FAM13B: variants seen among roughly 807,000 people sequenced by gnomAD.
FAM13B encodes the protein family with sequence similarity 13 member B.
In FAM13B, 60 loss-of-function variants were observed where a neutral mutation model predicts 117.3. That is an observed-to-expected ratio of 0.51 (90% CI 0.42 to 0.63). The LOEUF is 0.63. Among genes scored for constraint, FAM13B ranks in the 30% least tolerant of loss-of-function variants. The pLI, the probability that FAM13B is intolerant of heterozygous loss-of-function variation, is 0.00. For synonymous variants in FAM13B, 332 were observed against 356.1 expected, an observed-to-expected ratio of 0.93 and a Z score of 0.76; for missense variants, 972 against 1,091.9, an observed-to-expected ratio of 0.89 and a Z score of 1.55.
At chr5:137,953,589 T>G in intron 15 of FAM13B, 124 bp from the exon 16 acceptor site, 1 of 930,566 alleles carries the variant, frequency 1.1e-6, no homozygotes, top group Non-Finnish European at 1.6e-6. Context: ...TCCCTAACAC[T>G]AAAGGACAGG....
At chr5:138,048,747 T>A (rs545656756) in intron 1 of FAM13B, among the ~76,000 whole-genome samples, 9 of 152,310 alleles carry the variant, frequency 5.9e-5, no homozygotes, top group African/African-American at 2.2e-4. Context: ...TTCATAATTA[T>A]TTTGCAAATT....
At chr5:138,014,109 G>T (rs970187684) in intron 4 of FAM13B, among the ~76,000 whole-genome samples, 8 of 152,118 alleles carry the variant, frequency 5.3e-5, no homozygotes, top group African/African-American at 1.9e-4. Context: ...GCTATTTTTT[G>T]AAGTTTCTGT....
intron 4 of FAM13B, among the ~76,000 whole-genome samples, chr5:138,013,195 C>G (rs1285142034): frequency 7.5e-6 from 1 of 133,152 alleles, no homozygotes; most frequent in Non-Finnish European, 1.6e-5. Context: ...AGAGTGAGAC[C>G]CTGTCTCAAA....
intron 7 of FAM13B, among the ~76,000 whole-genome samples, chr5:138,001,051 A>G (rs1781142078): frequency 6.6e-6 from 1 of 152,170 alleles, no homozygotes; most frequent in Non-Finnish European, 1.5e-5. Flanking sequence ...ACCAATAAGT[A>G]TAGTCCACAT....
chr5:137,978,179 T>G (rs1052763282), intron 10 of FAM13B, among the ~76,000 whole-genome samples: 1 of 152,228 alleles, frequency 6.6e-6, no homozygotes, highest in African/African-American at 2.4e-5. Flanking sequence ...CTATGATTTA[T>G]CTAATCATTT....
intron 6 of FAM13B, among the ~76,000 whole-genome samples, chr5:138,009,347 A>T (rs866439560): frequency 9.9e-5 from 15 of 152,200 alleles, no homozygotes; most frequent in Non-Finnish European, 1.5e-4. Context: ...CAAAGGTGAA[A>T]ATCTCAAATG....
chr5:137,941,488 T>C (rs574117514), intron 23 of FAM13B, among the ~76,000 whole-genome samples: 99 of 152,162 alleles, frequency 6.5e-4, no homozygotes, highest in Non-Finnish European at 1.2e-3. Context: ...TACTGTATTA[T>C]AGGAGCCACA....
chr5:137,993,150 A>C (rs1561505332), intron 7 of FAM13B, among the ~76,000 whole-genome samples: 1 of 152,216 alleles, frequency 6.6e-6, no homozygotes. Flanking sequence ...ACATACAAGG[A>C]AGTGATTGCT....
rs760432708 is a variant in FAM13B, at chr5:137,943,231, A to G, written c.2341-15T>C. 2.3e-5 allele frequency: 36 copies of G among 1,597,960 alleles called. No homozygotes were observed. The highest frequency in any genetic ancestry group is 2.9e-5 in the Non-Finnish European group (34 of 1,167,108). On this transcript the variant is annotated splice_polypyrimidine_tract_variant and intron_variant, in intron 20 of 23. Transcript: ENST00000689681. Reference sequence around the variant, plus strand: ...GATGGAGATCCCTATAACAATCAATAATATAAATAGTTTTACATTTTAAGT... The same window carrying G: ...GATGGAGATCCCTATAACAATCAATGATATAAATAGTTTTACATTTTAAGT...
intron 10 of FAM13B, among the ~76,000 whole-genome samples, chr5:137,967,901 A>G (rs1029011769): frequency 5.3e-5 from 8 of 151,952 alleles, no homozygotes; most frequent in African/African-American, 7.3e-5. Context: ...CTCAAAAAAT[A>G]GAATAAAAAG....
chr5:137,986,341 T>TAA (rs571344423), intron 9 of FAM13B, among the ~76,000 whole-genome samples: 8 of 147,230 alleles, frequency 5.4e-5, no homozygotes, highest in Admixed American at 2.0e-4. Context: ...AAAACTGTCT[T>TAA]AAAAAAAAAA....
At chr5:137,971,298 T>C (rs1206258374) in intron 10 of FAM13B, among the ~76,000 whole-genome samples, 1 of 152,032 alleles carries the variant, frequency 6.6e-6, no homozygotes, top group Non-Finnish European at 1.5e-5. Flanking sequence ...GAACTCAGGA[T>C]TAAGAATCTC....
At chr5:138,016,377 C>T (rs183394544) in intron 4 of FAM13B, among the ~76,000 whole-genome samples, 1 of 152,290 alleles carries the variant, frequency 6.6e-6, no homozygotes, top group Admixed American at 6.5e-5. Flanking sequence ...GAAACTGAGA[C>T]AGTTTGGGAA....
chr5:137,968,466 G>C (rs977333018), intron 10 of FAM13B, among the ~76,000 whole-genome samples: 5 of 150,624 alleles, frequency 3.3e-5, no homozygotes, highest in Non-Finnish European at 5.9e-5. Flanking sequence ...AAATTCTTAA[G>C]ATTAATTTCA....
At chr5:138,030,095 G>A (rs757520862) in intron 1 of FAM13B, among the ~76,000 whole-genome samples, 1 of 152,078 alleles carries the variant, frequency 6.6e-6, no homozygotes, top group Non-Finnish European at 1.5e-5. Flanking sequence ...CTAGTTCACT[G>A]ACCTGGAACA....
chr5:138,027,898 C>T (rs1581298436), intron 1 of FAM13B, among the ~76,000 whole-genome samples: 1 of 152,346 alleles, frequency 6.6e-6, no homozygotes. Flanking sequence ...GGCTCTCTTG[C>T]CTGCTGCCAT....
chr5:138,005,902 C>CT lies in FAM13B; in HGVS notation c.848+1087dup, dbSNP rs869171895. ...CTGACTCAAATTATTATTTCCTCTT[C>CT]TTTTTTTTTTTTTTGAGACGGAGTT... On this transcript the variant is annotated intron_variant, in intron 7 of 23. Transcript: ENST00000689681. 1.6e-3 allele frequency among the ~76,000 whole-genome samples: 230 copies of CT among 143,792 alleles called. 1 individual carries two copies. Among genetic ancestry groups the CT allele is most frequent in the Middle Eastern group, 7.1e-3 (2 of 282 alleles). 94.3% of individuals were successfully genotyped at this position (143,792 alleles called of 152,430 possible). A position where few individuals can be genotyped will look rare whatever the true frequency, so the allele number is the denominator to read the frequency against.
chr5:138,035,185 A>G (rs1791033303), upstream of FAM13B, among the ~76,000 whole-genome samples: 1 of 150,258 alleles, frequency 6.7e-6, no homozygotes, highest in Admixed American at 6.7e-5. Flanking sequence ...GCTAATTTTA[A>G]AATTTTTTTA....
intron 1 of FAM13B, among the ~76,000 whole-genome samples, chr5:138,040,461 A>G (rs1266935751): frequency 6.6e-6 from 1 of 151,630 alleles, no homozygotes; most frequent in East Asian, 1.9e-4. Context: ...GATCCCAGCT[A>G]CTCAGGAGGC....
Sources: gnomAD v4.1 joint callset for allele counts (sites outside exome capture counted in the v4.1 genomes callset) on GRCh38, gnomAD v4.1.1 for gene constraint, MANE v1.5 for transcripts, NCBI Gene and HGNC (gene_info 2026-07-23, HGNC 2026-07-21) for gene names.